GRM7: variants seen among roughly 807,000 people sequenced by gnomAD.
GRM7 encodes metabotropic glutamate receptor 7.
A neutral mutation model predicts 84.5 loss-of-function variants in GRM7; 35 were observed. That is an observed-to-expected ratio of 0.41 (90% CI 0.32 to 0.55). The LOEUF (loss-of-function observed/expected upper bound fraction) is 0.55. GRM7 is among the 20% of genes least tolerant of loss of function. The pLI, the probability that GRM7 is intolerant of heterozygous loss-of-function variation, is 0.19. For missense variants in GRM7, 1,003 were observed against 1,194.6 expected, an observed-to-expected ratio of 0.84 and a Z score of 2.36; for synonymous variants, 487 against 455.1, an observed-to-expected ratio of 1.07 and a Z score of -0.89.
At chr3:7,093,569 CG>C (rs1173219454) in intron 1 of GRM7, among the ~76,000 whole-genome samples, 7 of 148,800 alleles carry the variant, frequency 4.7e-5, no homozygotes, top group Non-Finnish European at 1.0e-4. Flanking sequence ...CCCACCTACT[CG>C]GGGGGCTGAG....
chr3:7,504,630 A>G (rs1228142421), intron 7 of GRM7, among the ~76,000 whole-genome samples: 1 of 152,214 alleles, frequency 6.6e-6, no homozygotes, highest in Non-Finnish European at 1.5e-5. Flanking sequence ...AAGAACCAGA[A>G]AGAGGTTGCT....
intron 8 of GRM7, among the ~76,000 whole-genome samples, chr3:7,593,753 T>A (rs1695908196): frequency 1.3e-5 from 2 of 152,186 alleles, no homozygotes; most frequent in South Asian, 4.1e-4. Context: ...GCTTTGGAAT[T>A]CTGAGCAAGA....
chr3:6,894,197 TC>T (rs1418643714), intron 1 of GRM7, among the ~76,000 whole-genome samples: 2 of 152,148 alleles, frequency 1.3e-5, no homozygotes, highest in Non-Finnish European at 2.9e-5. Context: ...TCTCTGCTTT[TC>T]CCCCTTGTTA....
chr3:7,153,819 CAA>C (rs5846492), intron 2 of GRM7, among the ~76,000 whole-genome samples: 18 of 149,634 alleles, frequency 1.2e-4, no homozygotes, highest in African/African-American at 4.4e-4. Flanking sequence ...AACAATAGGA[CAA>C]AAAAAAACCC....
At chr3:7,256,612 C>T (rs1399948575) in intron 2 of GRM7, among the ~76,000 whole-genome samples, 1 of 151,888 alleles carries the variant, frequency 6.6e-6, no homozygotes, top group African/African-American at 2.4e-5. Flanking sequence ...TTCCTAGCTA[C>T]CTATGCACAC....
At chr3:7,666,402 T>C (rs1033326599) in intron 8 of GRM7, among the ~76,000 whole-genome samples, 14 of 152,284 alleles carry the variant, frequency 9.2e-5, no homozygotes, top group East Asian at 3.9e-4. Flanking sequence ...CCAGATACTA[T>C]AGGGCCATGG....
chr3:7,445,101 G>C (rs1238091136), intron 5 of GRM7, among the ~76,000 whole-genome samples: 1 of 152,136 alleles, frequency 6.6e-6, no homozygotes, highest in African/African-American at 2.4e-5. Flanking sequence ...AGTCAAGCAA[G>C]AATACAATGG....
At chr3:7,596,074 G>C (rs1397356766) in intron 8 of GRM7, among the ~76,000 whole-genome samples, 6 of 152,198 alleles carry the variant, frequency 3.9e-5, no homozygotes, top group African/African-American at 1.4e-4. Context: ...TGGTAGCCTG[G>C]GCTGGAGGAA....
intron 8 of GRM7, among the ~76,000 whole-genome samples, chr3:7,615,612 G>A (rs1418829097): frequency 1.3e-5 from 2 of 152,040 alleles, no homozygotes; most frequent in African/African-American, 4.8e-5. Context: ...GTTTTTATGA[G>A]GGTGGGTATA....
intron 1 of GRM7, among the ~76,000 whole-genome samples, chr3:7,075,496 A>ACGTGTGTGTGTGTGTGTG (rs1491399036): frequency 1.1e-4 from 15 of 138,580 alleles, no homozygotes; most frequent in Admixed American, 4.3e-4. Flanking sequence ...TGCTTCTCAG[A>ACGTGTGTGTGTGTGTGTG]TGTGTGTGTG....
chr3:7,076,516 C>T lies in GRM7; in HGVS notation c.520-69936C>T, dbSNP rs561059703. 3.3e-5 allele frequency among the ~76,000 whole-genome samples: 5 copies of T among 152,288 alleles called. No individual in the cohort carries two copies. In the South Asian group the frequency reaches 1.0e-3, roughly 32 times the overall value. ...ATGCACTTGCTTCCCCTTCACCTTC[C>T]ACCATGACTGTCAGTTTCCTAAGGC... is the stretch of plus-strand genomic sequence containing the variant. On this transcript the variant is annotated intron_variant, in intron 1 of 9. Transcript: ENST00000357716.
intron 7 of GRM7, among the ~76,000 whole-genome samples, chr3:7,522,046 C>T (rs2124992102): frequency 6.6e-6 from 1 of 152,244 alleles, no homozygotes; most frequent in East Asian, 1.9e-4. Flanking sequence ...TATAGGGTTC[C>T]AGCTGCCCTT....
chr3:6,905,047 A>C (rs1696520396), intron 1 of GRM7, among the ~76,000 whole-genome samples: 1 of 152,126 alleles, frequency 6.6e-6, no homozygotes, highest in South Asian at 2.1e-4. Flanking sequence ...CCGGCAGGGC[A>C]AGTTCTCCGT....
At chr3:7,591,531 T>G in intron 8 of GRM7, 1 of 421,450 alleles carries the variant, frequency 2.4e-6, no homozygotes, top group Non-Finnish European at 4.7e-6. Flanking sequence ...ATTTCTAGGA[T>G]TTTTGGAAAG....
intron 7 of GRM7, among the ~76,000 whole-genome samples, chr3:7,480,403 A>G (rs977392169): frequency 6.6e-6 from 1 of 152,208 alleles, no homozygotes; most frequent in African/African-American, 2.4e-5. Flanking sequence ...AAAGTTAGTT[A>G]TATGTAAACT....
At chr3:6,880,043 C>T (rs932583266) in intron 1 of GRM7, among the ~76,000 whole-genome samples, 1 of 152,184 alleles carries the variant, frequency 6.6e-6, no homozygotes, top group Non-Finnish European at 1.5e-5. Context: ...CAAAACTCAT[C>T]ATCAGACTCT....
At chr3:7,614,291 T>C (rs1367680841) in intron 8 of GRM7, among the ~76,000 whole-genome samples, 6 of 151,918 alleles carry the variant, frequency 3.9e-5, no homozygotes, top group Non-Finnish European at 5.9e-5. Context: ...TAAATTGTAA[T>C]ATCCTGATAA....
chr3:7,461,708 G>C lies in GRM7; in HGVS notation c.1501G>C (p.Glu501Gln), dbSNP rs142681070. The change falls in exon 7 of 10, where the codon GAA (glutamate) becomes CAA (glutamine). Residue 501 changes from glutamate to glutamine, a missense_variant. Around this residue, in one of 2 missense-constraint regions of GRM7, gnomAD observed 910 missense variants for 1,126.0 expected, o/e 0.81. Transcript: ENST00000357716. ...GYRLIGQWTDELQLNIEDMQW... is the reference protein window; with the variant it reads ...GYRLIGQWTDQLQLNIEDMQW... ...CCGTCTGATCGGGCAGTGGACAGAC[G>C]AACTTCAGCTCAATGTGAGTTCTGC... 1.2e-6 allele frequency: 2 copies of C among 1,613,814 alleles called. No individual in the cohort carries two copies. Among genetic ancestry groups the C allele is most frequent in the South Asian group, 2.2e-5 (2 of 91,066 alleles).
At chr3:7,295,734 T>C (rs1480504514) in intron 2 of GRM7, among the ~76,000 whole-genome samples, 1 of 152,176 alleles carries the variant, frequency 6.6e-6, no homozygotes, top group Non-Finnish European at 1.5e-5. Context: ...AATTCAGTAG[T>C]TCCTTCCTAT....
Sources: allele counts gnomAD v4.1 joint callset (sites outside exome capture counted in the v4.1 genomes callset), GRCh38; gene constraint gnomAD v4.1.1; regional missense constraint gnomAD v4.1.1; transcripts MANE v1.5; gene names NCBI Gene and HGNC (gene_info 2026-07-23, HGNC 2026-07-21).